The following LTA4H variants were observed in gnomAD, a reference collection of about 807,000 sequenced individuals.
The protein encoded by LTA4H is leukotriene A-4 hydrolase.
In LTA4H, 59 loss-of-function variants were observed where a neutral mutation model predicts 89.8. That is an observed-to-expected ratio of 0.66 (90% CI 0.53 to 0.82). The LOEUF (loss-of-function observed/expected upper bound fraction) is 0.82. Ranked by LOEUF, LTA4H falls within the 40% of genes least tolerant of loss-of-function variation. The probability of loss-of-function intolerance (pLI) is 0.00; values close to 1 mark genes in which losing one functional copy is unlikely to be tolerated. For synonymous variants in LTA4H, 227 were observed against 253.1 expected (o/e 0.90, Z 0.98); for missense variants, 617 against 727.0 (o/e 0.85, Z 1.74).
chr12:96,009,094 A>G lies in LTA4H; in HGVS notation c.1434T>C (p.Thr478=). 1.3e-6 allele frequency: 2 copies of G among 1,597,024 alleles called. No homozygotes were observed. The highest frequency in any genetic ancestry group is 1.7e-6 in the Non-Finnish European group (2 of 1,165,866). The stretch of plus-strand genomic sequence containing the variant: ...TCAAAAATCACACATTATTACTTAC[A>G]GTAATCCATCTTTGACTTAAGGCAA... ...ACIALSQRWI[T]AKEDDLNSFN... The change falls in exon 15 of 19, where the codon ACT becomes ACC. Residue 478 remains threonine (T), a splice_region_variant and synonymous_variant. Transcript: ENST00000228740.
chr12:96,026,296 A>G (rs904178211), intron 3 of LTA4H, among the ~76,000 whole-genome samples: 1 of 152,244 alleles, frequency 6.6e-6, no homozygotes, highest in Non-Finnish European at 1.5e-5. Flanking sequence ...AAGCAAATTC[A>G]TCAAACAAAA....
chr12:96,043,452 C>T, exon 1 of LTA4H: 1 of 895,634 alleles, frequency 1.1e-6, no homozygotes, highest in Admixed American at 2.2e-5. Flanking sequence ...TTGCCCTCTT[C>T]CCTTGTTGCT....
intron 11 of LTA4H, 111 bp from the exon 12 acceptor site, chr12:96,015,110 TA>T (rs1276326744): frequency 3.2e-6 from 3 of 950,738 alleles, no homozygotes; most frequent in Non-Finnish European, 4.6e-6. Context: ...TAGGGGAATC[TA>T]AAACTTGGAG....
intron 1 of LTA4H, among the ~76,000 whole-genome samples, chr12:96,030,434 A>G (rs201763305): frequency 1.1e-4 from 16 of 152,244 alleles, no homozygotes; most frequent in East Asian, 9.6e-4. Flanking sequence ...CAACATTTCC[A>G]TGGGACATAG....
chr12:96,004,065 T>A (rs1950154742), intron 16 of LTA4H, 145 bp from the exon 17 acceptor site: 9 of 402,952 alleles, frequency 2.2e-5, no homozygotes, highest in Admixed American at 9.0e-5. Flanking sequence ...AGAAACAAAT[T>A]GCACACTAAG....
chr12:96,025,827 C>T (rs1263535186), intron 3 of LTA4H, among the ~76,000 whole-genome samples: 1 of 116,104 alleles, frequency 8.6e-6, no homozygotes, highest in Non-Finnish European at 1.8e-5. Flanking sequence ...ACCCTGTCTC[C>T]AAAAAAAAAA....
In LTA4H at chr12:96,014,592, G is replaced by C. The variant is rs114090565; in HGVS notation, c.1204+263C>G. Among the ~76,000 whole-genome samples the C allele has an allele frequency of 9.9e-3, 1,506 of 152,160 alleles. 34 individuals carry two copies. Among genetic ancestry groups the C allele is most frequent in the African/African-American group, 0.035 (1,441 of 41,470 alleles). ...TTATAAACTTCTGTACCATAGAAAT[G>C]TTTTCAGGGAATACACACTATTATC... On this transcript the variant is annotated intron_variant, in intron 12 of 18. Coordinates refer to ENST00000228740, the MANE Select transcript of LTA4H (RefSeq NM_000895.3).
chr12:96,006,241 C>T, intron 16 of LTA4H, 73 bp downstream of exon 16: 2 of 842,402 alleles, frequency 2.4e-6, no homozygotes, highest in South Asian at 1.8e-5. Context: ...TAATCTTTTG[C>T]CAAGTTGGGT....
intron 15 of LTA4H, 32 bp from the exon 16 acceptor site, chr12:96,006,441 C>G (rs768646853): frequency 7.5e-7 from 1 of 1,326,384 alleles, no homozygotes; most frequent in Non-Finnish European, 1.1e-6. Flanking sequence ...TATTTTTGTT[C>G]AAGTACAATT....
intron 15 of LTA4H, 152 bp downstream of exon 15, chr12:96,008,942 G>A (rs773840237): frequency 1.5e-6 from 1 of 662,316 alleles, no homozygotes; most frequent in African/African-American, 1.8e-5. Flanking sequence ...TCTATATTGA[G>A]AGTAGATATA....
intron 2 of LTA4H, 101 bp from the exon 3 acceptor site, chr12:96,027,665 A>C: frequency 1.6e-6 from 1 of 632,086 alleles, no homozygotes; most frequent in Non-Finnish European, 2.5e-6. Flanking sequence ...CATAGTATGC[A>C]TTCTCATCAC....
Position 96,016,106 on chromosome 12 carries a change from G to A in LTA4H, c.948-412C>T, listed in dbSNP as rs1950370162. Among the ~76,000 whole-genome samples, 5 of 152,076 alleles carry A rather than the reference G, an allele frequency of 3.3e-5. No individual in the cohort carries two copies. The South Asian group carries it at 1.0e-3, about 32-fold the overall frequency. On this transcript the variant is annotated intron_variant, in intron 10 of 18. Transcript: ENST00000228740. ...AGGCGGGAGAATTATCTGAGGTCAG[G>A]AGTTCAAGACCAGCCTGGCCAACAT...
chr12:96,031,470 TAAA>T (rs1320433414), intron 1 of LTA4H, among the ~76,000 whole-genome samples: 8 of 152,100 alleles, frequency 5.3e-5, no homozygotes, highest in Non-Finnish European at 1.5e-5. Flanking sequence ...GAAAGAAAAA[TAAA>T]GAAAACTGGA....
In LTA4H at chr12:96,042,030, C is replaced by A. The variant is rs61937900; in HGVS notation, c.87+1259G>T. Among the ~76,000 whole-genome samples the A allele has an allele frequency of 5.2e-3, 725 of 140,138 alleles. 1 individual carries two copies. Among genetic ancestry groups the A allele is most frequent in the Admixed American group, 8.4e-3 (113 of 13,402 alleles). The allele number at this position is 140,138 out of a possible 152,430, so 91.9% of individuals were successfully genotyped here. On this transcript the variant is annotated intron_variant, in intron 1 of 17. Coordinates refer to the LTA4H transcript ENST00000413268. ...ACAGGGTCTTGCTTTGTTACCCAGGCTGAAGTGCAGTGGCACGATCTCAGA... is the reference window on the plus strand; with the variant it reads ...ACAGGGTCTTGCTTTGTTACCCAGGATGAAGTGCAGTGGCACGATCTCAGA...
chr12:96,018,627 G>A (rs912952209), intron 8 of LTA4H, 136 bp downstream of exon 8: 19 of 479,682 alleles, frequency 4.0e-5, no homozygotes, highest in Non-Finnish European at 5.8e-5. Context: ...ACGAACAAGA[G>A]AAAAGATTTT....
At chr12:96,033,955 C>T (rs1950604999) in intron 1 of LTA4H, among the ~76,000 whole-genome samples, 1 of 152,222 alleles carries the variant, frequency 6.6e-6, no homozygotes, top group African/African-American at 2.4e-5. Context: ...TCTTAATTTT[C>T]TTTCTTATGG....
intron 9 of LTA4H, among the ~76,000 whole-genome samples, chr12:96,017,317 A>T (rs895312063): frequency 6.6e-6 from 1 of 152,172 alleles, no homozygotes; most frequent in Non-Finnish European, 1.5e-5. Context: ...AGAAAACAAA[A>T]ATTACTTAGA....
At chr12:96,013,681 G>A in intron 13 of LTA4H, 69 bp downstream of exon 13, 1 of 813,668 alleles carries the variant, frequency 1.2e-6, no homozygotes, top group South Asian at 1.5e-5. Flanking sequence ...GATAATACAA[G>A]TTAACCTAAT....
At chr12:96,035,311 G>A (rs1950627076) in intron 1 of LTA4H, 50 bp downstream of exon 1, 8 of 1,561,934 alleles carry the variant, frequency 5.1e-6, no homozygotes, top group African/African-American at 1.4e-5. Context: ...CTAGGGTCGA[G>A]GGGCAGGGAG....
Sources: allele counts gnomAD v4.1 joint callset (sites outside exome capture counted in the v4.1 genomes callset), GRCh38; gene constraint gnomAD v4.1.1; transcripts MANE v1.5; gene names NCBI Gene and HGNC (gene_info 2026-07-23, HGNC 2026-07-21).